Variants in RAP1A observed in about 807,000 individuals in gnomAD.
RAP1A encodes the protein ras-related protein Rap-1A.
A neutral mutation model predicts 26.4 loss-of-function variants in RAP1A; 6 were observed. That is an observed-to-expected ratio of 0.23 (90% CI 0.12 to 0.45). The LOEUF (loss-of-function observed/expected upper bound fraction) is 0.45, where lower values mean the gene tolerates loss of function less well. Ranked by LOEUF, RAP1A falls within the 20% of genes least tolerant of loss-of-function variation. RAP1A has a pLI of 0.99. For synonymous variants in RAP1A, 73 were observed against 79.4 expected (o/e 0.92, Z 0.43); for missense variants, 121 against 217.2 (o/e 0.56, Z 2.78).
chr1:111,620,271 C>T (rs1659150452), intron 1 of RAP1A, among the ~76,000 whole-genome samples: 1 of 152,260 alleles, frequency 6.6e-6, no homozygotes, highest in Non-Finnish European at 1.5e-5. Flanking sequence ...CCCGAGGTGT[C>T]ATAGCACAAG....
intron 1 of RAP1A, among the ~76,000 whole-genome samples, chr1:111,688,389 G>A (rs1447493425): frequency 6.8e-6 from 1 of 147,204 alleles, no homozygotes; most frequent in Admixed American, 6.9e-5. Flanking sequence ...GTGCAATCTC[G>A]GCTCACTGTA....
chr1:111,621,486 T>C (rs1378707979), intron 1 of RAP1A, among the ~76,000 whole-genome samples: 1 of 152,230 alleles, frequency 6.6e-6, no homozygotes, highest in Non-Finnish European at 1.5e-5. Flanking sequence ...TTTTAAATTA[T>C]GGCCTACTTC....
At chr1:111,566,685 T>C (rs1657924879) in intron 1 of RAP1A, among the ~76,000 whole-genome samples, 1 of 152,108 alleles carries the variant, frequency 6.6e-6, no homozygotes, top group African/African-American at 2.4e-5. Context: ...AGATGATGGT[T>C]AAGTGACAAG....
At chr1:111,607,493 T>C (rs1658810425) in intron 1 of RAP1A, among the ~76,000 whole-genome samples, 1 of 152,180 alleles carries the variant, frequency 6.6e-6, no homozygotes, top group African/African-American at 2.4e-5. Context: ...AAACCGCCAT[T>C]GTCATCATGG....
At chr1:111,620,461 G>A (rs1214492886) in intron 1 of RAP1A, among the ~76,000 whole-genome samples, 1 of 152,210 alleles carries the variant, frequency 6.6e-6, no homozygotes, top group Non-Finnish European at 1.5e-5. Context: ...GACACACGGG[G>A]AACGGGGTTG....
chr1:111,588,818 C>T (rs551879595), intron 1 of RAP1A, among the ~76,000 whole-genome samples: 19 of 152,144 alleles, frequency 1.2e-4, no homozygotes, highest in African/African-American at 4.3e-4. Context: ...TAGAATATAC[C>T]CTCCATGAAA....
intron 1 of RAP1A, among the ~76,000 whole-genome samples, chr1:111,545,185 T>A (rs1032934170): frequency 1.3e-5 from 2 of 152,110 alleles, no homozygotes; most frequent in Non-Finnish European, 2.9e-5. Flanking sequence ...ATTTTCAACT[T>A]TTTGAGGAGC....
intron 1 of RAP1A, among the ~76,000 whole-genome samples, chr1:111,590,428 TA>T (rs35334894): frequency 0.028 from 4,284 of 152,308 alleles, 180 homozygotes; most frequent in African/African-American, 0.098. Context: ...TTTGGATGAA[TA>T]TCCTTTATCA....
At chr1:111,697,136 G>A (rs971599497) in intron 3 of RAP1A, among the ~76,000 whole-genome samples, 3 of 152,026 alleles carry the variant, frequency 2.0e-5, no homozygotes, top group Non-Finnish European at 2.9e-5. Context: ...ATACTTGTTC[G>A]TTGAAGTTTT....
intron 1 of RAP1A, among the ~76,000 whole-genome samples, chr1:111,560,592 A>C (rs75018342): frequency 0.19 from 28,799 of 150,654 alleles, 4,853 homozygotes; most frequent in East Asian, 0.49. Context: ...GGGCTCAAGC[A>C]CTCTTCCTGC....
chr1:111,562,106 T>C (rs1295913870), intron 1 of RAP1A, among the ~76,000 whole-genome samples: 1 of 152,218 alleles, frequency 6.6e-6, no homozygotes, highest in East Asian at 1.9e-4. Context: ...TCCAGGTCTT[T>C]GCTTGTGCCA....
At chr1:111,693,662 G>C (rs1301300272) in intron 2 of RAP1A, among the ~76,000 whole-genome samples, 1 of 152,196 alleles carries the variant, frequency 6.6e-6, no homozygotes, top group African/African-American at 2.4e-5. Context: ...CTGGCTTATA[G>C]AAGGCACATG....
chr1:111,585,672 A>G, intron 1 of RAP1A, among the ~76,000 whole-genome samples: 1 of 152,214 alleles, frequency 6.6e-6, no homozygotes, highest in Non-Finnish European at 1.5e-5. Context: ...ACCTCTTAGG[A>G]TTCACTTTCC....
At chr1:111,609,443 G>C (rs1239352020) in intron 1 of RAP1A, among the ~76,000 whole-genome samples, 1 of 151,818 alleles carries the variant, frequency 6.6e-6, no homozygotes, top group Non-Finnish European at 1.5e-5. Context: ...TTAAATGTTA[G>C]TCATTCAAGA....
At chr1:111,646,440 C>G (rs6678115) in intron 1 of RAP1A, among the ~76,000 whole-genome samples, 2 of 124,468 alleles carry the variant, frequency 1.6e-5, no homozygotes, top group African/African-American at 7.2e-5. Context: ...AAAAACAAAA[C>G]AAAACCTCAA....
intron 1 of RAP1A, among the ~76,000 whole-genome samples, chr1:111,560,076 T>C (rs775380167): frequency 3.3e-5 from 5 of 152,234 alleles, no homozygotes; most frequent in Non-Finnish European, 7.3e-5. Context: ...GCATTGCTTA[T>C]GTGTTAGGTA....
intron 1 of RAP1A, among the ~76,000 whole-genome samples, chr1:111,682,219 G>A (rs187420335): frequency 3.0e-3 from 453 of 152,198 alleles, no homozygotes; most frequent in African/African-American, 0.01. Flanking sequence ...AGGAAAAACC[G>A]GTACCAGCCA....
At chr1:111,702,958 A>G (rs1662069127) in intron 4 of RAP1A, among the ~76,000 whole-genome samples, 1 of 152,210 alleles carries the variant, frequency 6.6e-6, no homozygotes, top group South Asian at 2.1e-4. Context: ...ATCTGCCAGT[A>G]GAGATATTGA....
upstream of RAP1A, among the ~76,000 whole-genome samples, chr1:111,618,975 G>A (rs573908662): frequency 3.3e-5 from 5 of 152,318 alleles, no homozygotes; most frequent in South Asian, 1.0e-3. Context: ...TTAACAACAT[G>A]AATCAGATGC....
Sources: allele counts gnomAD v4.1 joint callset (sites outside exome capture counted in the v4.1 genomes callset), GRCh38; gene constraint gnomAD v4.1.1; transcripts MANE v1.5; gene names NCBI Gene and HGNC (gene_info 2026-07-23, HGNC 2026-07-21).